Variants in ADAM12 observed in about 807,000 individuals in gnomAD.
ADAM12 encodes the protein ADAM metallopeptidase domain 12.
In ADAM12, 70 loss-of-function variants were observed where a neutral mutation model predicts 106.4. The ratio of observed to expected loss-of-function variants is 0.66; its 90% CI spans 0.54 to 0.80. The LOEUF (loss-of-function observed/expected upper bound fraction) is 0.80. Ranked by LOEUF, ADAM12 falls within the 30% of genes least tolerant of loss-of-function variation. ADAM12 has a pLI of 0.00. For synonymous variants in ADAM12, 420 were observed against 433.5 expected, an observed-to-expected ratio of 0.97 and a Z score of 0.39; for missense variants, 1,010 against 1,171.9, an observed-to-expected ratio of 0.86 and a Z score of 2.02.
At chr10:126,089,763 C>T (rs1309036365) in intron 11 of ADAM12, among the ~76,000 whole-genome samples, 2 of 151,950 alleles carry the variant, frequency 1.3e-5, no homozygotes. Flanking sequence ...CCCACAGCGC[C>T]CACAGGCCCA....
At chr10:126,253,396 G>A (rs1171913140) in intron 3 of ADAM12, among the ~76,000 whole-genome samples, 6 of 152,318 alleles carry the variant, frequency 3.9e-5, no homozygotes, top group South Asian at 4.1e-4. Context: ...ATGAGGAGTC[G>A]TTCCTTTTAG....
In ADAM12 at chr10:126,244,387, G is replaced by T. The variant is rs190800494; in HGVS notation, c.260+34528C>A. 2.6e-5 allele frequency among the ~76,000 whole-genome samples: 4 copies of T among 152,286 alleles called. No homozygotes were observed. In the East Asian group the frequency reaches 5.8e-4, roughly 22 times the overall value. ...ATGGAAGAGAGGAGAAGGTACAGAT[G>T]GTGAGAAAGGGGAGACAGACTCTGG... On this transcript the variant is annotated intron_variant, in intron 3 of 22. Transcript: ENST00000448723.
At chr10:126,277,884 T>G (rs1168376775) in intron 3 of ADAM12, among the ~76,000 whole-genome samples, 1 of 152,166 alleles carries the variant, frequency 6.6e-6, no homozygotes. Context: ...ATACCGAACT[T>G]TCGGGCTGGC....
chr10:126,114,868 T>G (rs1363320042), intron 6 of ADAM12, among the ~76,000 whole-genome samples: 1 of 152,258 alleles, frequency 6.6e-6, no homozygotes, highest in African/African-American at 2.4e-5. Flanking sequence ...GAATTCAGTA[T>G]GCCTGTCATA....
chr10:126,067,438 T>C (rs1458609549), intron 12 of ADAM12, among the ~76,000 whole-genome samples: 1 of 146,688 alleles, frequency 6.8e-6, no homozygotes, highest in Non-Finnish European at 1.5e-5. Context: ...GCTGTGCCCA[T>C]TGATTTGCGA....
chr10:126,303,320 G>A (rs1378956257), intron 2 of ADAM12, among the ~76,000 whole-genome samples: 1 of 152,158 alleles, frequency 6.6e-6, no homozygotes, highest in East Asian at 1.9e-4. Context: ...CTGGAAAAGC[G>A]CAAACATGTT....
chr10:126,093,835 G>T, intron 11 of ADAM12, 150 bp downstream of exon 11: 2 of 1,237,000 alleles, frequency 1.6e-6, no homozygotes, highest in Non-Finnish European at 2.3e-6. Context: ...AGTAGCACAG[G>T]CCACCCTTGC....
intron 3 of ADAM12, among the ~76,000 whole-genome samples, chr10:126,249,279 CACTCT>C (rs1435242426): frequency 6.7e-6 from 1 of 148,572 alleles, no homozygotes; most frequent in African/African-American, 2.5e-5. Context: ...CCAATGCAAA[CACTCT>C]ACTCTCCACT....
intron 5 of ADAM12, among the ~76,000 whole-genome samples, chr10:126,122,187 A>T (rs142666903): frequency 2.8e-3 from 429 of 152,326 alleles, no homozygotes; most frequent in African/African-American, 9.8e-3. Flanking sequence ...ATTGTTACTT[A>T]GTCATGAAAA....
intron 2 of ADAM12, among the ~76,000 whole-genome samples, chr10:126,291,077 T>C (rs1470020044): frequency 6.6e-6 from 1 of 152,252 alleles, no homozygotes; most frequent in East Asian, 1.9e-4. Context: ...GCATGGACTG[T>C]GTTTATTAAC....
At chr10:126,095,753 C>T (rs902163281) in intron 10 of ADAM12, among the ~76,000 whole-genome samples, 1 of 152,062 alleles carries the variant, frequency 6.6e-6, no homozygotes, top group Admixed American at 6.6e-5. Flanking sequence ...AGAGTCCTCA[C>T]CCTCAAGAAG....
intron 1 of ADAM12, among the ~76,000 whole-genome samples, chr10:126,372,909 G>A (rs1269386933): frequency 6.6e-6 from 1 of 152,120 alleles, no homozygotes; most frequent in Non-Finnish European, 1.5e-5. Flanking sequence ...AGTTTCAAGA[G>A]TACCATCTAT....
chr10:126,221,469 T>C (rs1341899465), intron 3 of ADAM12, among the ~76,000 whole-genome samples: 1 of 152,062 alleles, frequency 6.6e-6, no homozygotes, highest in Admixed American at 6.5e-5. Context: ...CATTTGGATG[T>C]AACATGCATA....
chr10:126,144,411 C>T (rs964436254), intron 4 of ADAM12, among the ~76,000 whole-genome samples: 2 of 152,188 alleles, frequency 1.3e-5, no homozygotes, highest in Admixed American at 6.5e-5. Flanking sequence ...TTTAAACCCA[C>T]TCTGCTGTAA....
At position 126,015,893 on chromosome 10, in the gene ADAM12, G is replaced by C. The variant is rs1178846265; in HGVS notation, c.*1386C>G. The C allele has an allele frequency of 6.6e-6, 1 of 152,204 alleles. No individual in the cohort carries two copies. The highest frequency in any genetic ancestry group is 1.5e-5 in the Non-Finnish European group (1 of 68,036). 9.4% of individuals were successfully genotyped at this position (152,204 alleles called of 1,614,324 possible). A position where few individuals can be genotyped will look rare whatever the true frequency, so the allele number is the denominator to read the frequency against. On this transcript the variant is annotated 3_prime_UTR_variant, in exon 23 of 23. Transcript: ENST00000448723. Reference sequence around the variant, plus strand: ...TGCCATTAGTCACTTTAAAGACCTTGTGAAACATGGCTCCCTAGTCAGGCA... The same window carrying C: ...TGCCATTAGTCACTTTAAAGACCTTCTGAAACATGGCTCCCTAGTCAGGCA...
chr10:126,365,190 A>T (rs528404117), intron 1 of ADAM12, among the ~76,000 whole-genome samples: 1 of 152,326 alleles, frequency 6.6e-6, no homozygotes, highest in African/African-American at 2.4e-5. Context: ...TTCTATGATC[A>T]GCTGTGTATT....
Position 126,043,260 on chromosome 10 carries a change from G to C in ADAM12, c.1996-112C>G. ...CCCCCCCCCAACACTGACACAGCCA[G>C]ACTCAGCACACGCCATGGTGCGAAT... is the stretch of plus-strand genomic sequence containing the variant. On this transcript the variant is annotated intron_variant, in intron 17 of 22. Transcript: ENST00000448723. The surrounding 1 kb of genome is among the most constrained non-coding windows in gnomAD (Gnocchi z 4.1). 1 of 987,594 alleles carries C rather than the reference G, an allele frequency of 1.0e-6. No individual in the cohort carries two copies. The allele number at this position is 987,594 out of a possible 1,614,324, so 61.2% of individuals were successfully genotyped here.
intron 4 of ADAM12, among the ~76,000 whole-genome samples, chr10:126,142,531 C>T (rs746316982): frequency 5.9e-5 from 9 of 152,214 alleles, no homozygotes; most frequent in Middle Eastern, 3.2e-3. Context: ...GTTCCTTGCT[C>T]CATTCTGGTA....
chr10:126,143,466 G>C (rs1175470187), intron 4 of ADAM12, among the ~76,000 whole-genome samples: 13 of 151,378 alleles, frequency 8.6e-5, no homozygotes, highest in African/African-American at 2.9e-4. Flanking sequence ...GTGTGTATAT[G>C]TATGTGTGTA....
Sources: allele counts gnomAD v4.1 joint callset (sites outside exome capture counted in the v4.1 genomes callset), GRCh38; gene constraint gnomAD v4.1.1; non-coding constraint Gnocchi (gnomAD v3.1); transcripts MANE v1.5; gene names NCBI Gene and HGNC (gene_info 2026-07-23, HGNC 2026-07-21).